The following POC1B variants were observed in gnomAD, a reference collection of about 807,000 sequenced individuals.
POC1B encodes the protein POC1 centriolar protein B, also known as POC1 centriolar protein homolog B.
In POC1B, 44 loss-of-function variants were observed where a neutral mutation model predicts 60.6. The observed-to-expected ratio is 0.73, with a 90% confidence interval of 0.57 to 0.93. The LOEUF (loss-of-function observed/expected upper bound fraction) is 0.93, where lower values mean the gene tolerates loss of function less well. Ranked by LOEUF, POC1B falls within the 40% of genes least tolerant of loss-of-function variation. The pLI is 0.00. For missense variants in POC1B, 555 were observed against 572.3 expected (o/e 0.97, Z 0.31); for synonymous variants, 180 against 198.9 (o/e 0.90, Z 0.80).
intron 2 of POC1B, chr12:89,523,212 C>T (rs1416096957): frequency 1.2e-6 from 2 of 1,613,848 alleles, no homozygotes; most frequent in African/African-American, 1.3e-5. Flanking sequence ...TGCGAATAGC[C>T]CCATGCCAGC....
At chr12:89,511,225 C>T (rs1870171457) in intron 2 of POC1B, among the ~76,000 whole-genome samples, 1 of 151,516 alleles carries the variant, frequency 6.6e-6, no homozygotes, top group East Asian at 2.0e-4. Context: ...GAGTTCGAGA[C>T]CAGCCTGGAC....
intron 4 of POC1B, among the ~76,000 whole-genome samples, chr12:89,480,311 A>AT (rs1043747681): frequency 3.3e-5 from 5 of 151,616 alleles, no homozygotes; most frequent in Non-Finnish European, 7.4e-5. Flanking sequence ...TAATTTTTGT[A>AT]TTTTTTGTAG....
the POC1B span, among the ~76,000 whole-genome samples, chr12:89,405,847 T>TG: frequency 6.6e-6 from 1 of 151,874 alleles, no homozygotes. Context: ...CCCAGATACT[T>TG]GGGAGGCTGA....
At position 89,444,654 on chromosome 12, in the gene POC1B, G is replaced by C. The variant is rs200001095; in HGVS notation, c.1113+14984C>G. ...ACAAACCCACAGCCAATATCATACT[G>C]AATGGGCAAAAACTGGAAGCATTCC... On this transcript the variant is annotated intron_variant, in intron 10 of 11. Transcript: ENST00000313546. Among the ~76,000 whole-genome samples the C allele has an allele frequency of 2.0e-4, 31 of 152,258 alleles. No individual in the cohort carries two copies. The East Asian group carries it at 5.4e-3, about 26-fold the overall frequency.
intron 10 of POC1B, among the ~76,000 whole-genome samples, chr12:89,430,258 G>C (rs1004361239): frequency 4.6e-5 from 7 of 152,150 alleles, no homozygotes; most frequent in Non-Finnish European, 1.0e-4. Context: ...CCTGAGAACT[G>C]AATACAAAAC....
chr12:89,435,179 C>CTTTTTTT (rs56061239), intron 10 of POC1B, among the ~76,000 whole-genome samples: 2 of 113,544 alleles, frequency 1.8e-5, no homozygotes, highest in Admixed American at 1.8e-4. Flanking sequence ...GAATGACATT[C>CTTTTTTT]TTTTTTTTTT....
At chr12:89,503,768 G>A (rs1465087946) in intron 2 of POC1B, among the ~76,000 whole-genome samples, 3 of 119,666 alleles carry the variant, frequency 2.5e-5, no homozygotes, top group Admixed American at 8.0e-5. Flanking sequence ...CCCGGCAGCC[G>A]CCCCATCTGA....
intron 4 of POC1B, among the ~76,000 whole-genome samples, chr12:89,487,324 A>G (rs762748268): frequency 2.6e-5 from 4 of 152,208 alleles, no homozygotes; most frequent in Admixed American, 2.6e-4. Context: ...CTGCTACCAG[A>G]AAACAGGGAA....
intron 11 of POC1B, among the ~76,000 whole-genome samples, chr12:89,422,353 T>C (rs1316236964): frequency 6.6e-6 from 1 of 152,220 alleles, no homozygotes; most frequent in Non-Finnish European, 1.5e-5. Context: ...AGAATTAATG[T>C]GTCACTTAAA....
At chr12:89,482,187 C>G (rs1201405514) in intron 4 of POC1B, among the ~76,000 whole-genome samples, 5 of 152,080 alleles carry the variant, frequency 3.3e-5, no homozygotes, top group African/African-American at 1.2e-4. Context: ...ATGGGCAAAC[C>G]AATGGAGAAT....
chr12:89,454,700 T>C (rs1171680464), intron 10 of POC1B, among the ~76,000 whole-genome samples: 1 of 152,212 alleles, frequency 6.6e-6, no homozygotes, highest in Non-Finnish European at 1.5e-5. Context: ...GCCCTCTACC[T>C]ATCTTTTCCT....
chr12:89,422,040 C>CT (rs35124335), intron 11 of POC1B, among the ~76,000 whole-genome samples: 12 of 150,332 alleles, frequency 8.0e-5, no homozygotes, highest in East Asian at 1.9e-4. Context: ...TCTTTTGTAT[C>CT]TTTTTTTTTT....
At chr12:89,497,404 T>C in intron 2 of POC1B, 62 bp from the exon 3 acceptor site, 1 of 1,505,006 alleles carries the variant, frequency 6.6e-7, no homozygotes, top group South Asian at 1.2e-5. Flanking sequence ...GTGTGTCTCA[T>C]TACAATGAGC....
intron 2 of POC1B, chr12:89,501,738 A>T (rs1869577387): frequency 1.1e-6 from 1 of 922,332 alleles, no homozygotes; most frequent in Admixed American, 1.8e-5. Context: ...GCAATTCTTC[A>T]ATAAGAAATG....
the POC1B span, among the ~76,000 whole-genome samples, chr12:89,414,669 T>TA: frequency 6.6e-6 from 1 of 152,216 alleles, no homozygotes; most frequent in African/African-American, 2.4e-5. Context: ...TAATTTCACT[T>TA]AAAAATCTAC....
intron 2 of POC1B, among the ~76,000 whole-genome samples, chr12:89,518,627 AC>A (rs896268954): frequency 6.6e-6 from 1 of 151,762 alleles, no homozygotes; most frequent in Non-Finnish European, 1.5e-5. Context: ...ATAATCCCCT[AC>A]CCCCTGCCAC....
chr12:89,403,914 C>A, the POC1B span, among the ~76,000 whole-genome samples: 1 of 152,254 alleles, frequency 6.6e-6, no homozygotes, highest in African/African-American at 2.4e-5. Context: ...GGGAGGATCA[C>A]CTGAGGTCTG....
At chr12:89,488,014 T>C (rs1868737571) in intron 4 of POC1B, among the ~76,000 whole-genome samples, 1 of 152,158 alleles carries the variant, frequency 6.6e-6, no homozygotes, top group Admixed American at 6.5e-5. Flanking sequence ...TCTACATACT[T>C]AATATAGCTA....
At chr12:89,438,943 T>A (rs937166585) in intron 10 of POC1B, among the ~76,000 whole-genome samples, 1 of 152,158 alleles carries the variant, frequency 6.6e-6, no homozygotes, top group African/African-American at 2.4e-5. Flanking sequence ...AATCGCAAAT[T>A]TGTCCCCTTA....
Sources: gnomAD v4.1 joint callset for allele counts (sites outside exome capture counted in the v4.1 genomes callset) on GRCh38, gnomAD v4.1.1 for gene constraint, MANE v1.5 for transcripts, NCBI Gene and HGNC (gene_info 2026-07-23, HGNC 2026-07-21) for gene names.